The following RANBP2 variants were observed in gnomAD, a reference collection of about 807,000 sequenced individuals.
RANBP2 encodes RAN binding protein 2.
In RANBP2, 57 loss-of-function variants were observed where a neutral mutation model predicts 303.6. The observed-to-expected ratio is 0.19, with a 90% CI of 0.15 to 0.23. RANBP2 has a LOEUF of 0.23. RANBP2 is among the 10% of genes least tolerant of loss of function. The pLI, the probability that RANBP2 is intolerant of heterozygous loss-of-function variation, is 1.00. For missense variants in RANBP2, 3,138 were observed against 3,780.8 expected (o/e 0.83, Z 4.46); for synonymous variants, 1,167 against 1,301.5 (o/e 0.90, Z 2.23).
chr2:109,688,899 CCTTCCTTT>C, the RANBP2 span, among the ~76,000 whole-genome samples: 12 of 150,180 alleles, frequency 8.0e-5, no homozygotes, highest in Non-Finnish European at 1.2e-4. Context: ...TTCCTTCCTT[CCTTCCTTT>C]CTTCCTTCCT....
chr2:108,725,087 G>A (rs1488238307), intron 1 of RANBP2, among the ~76,000 whole-genome samples: 10 of 152,070 alleles, frequency 6.6e-5, no homozygotes, highest in Admixed American at 5.2e-4. Flanking sequence ...ATCTCTTAGG[G>A]TCTTACTGTT....
intron 1 of RANBP2, 123 bp from the exon 2 acceptor site, chr2:108,729,009 A>C: frequency 1.6e-6 from 2 of 1,228,070 alleles, no homozygotes; most frequent in Non-Finnish European, 2.2e-6. Context: ...CCTTTAAAAA[A>C]ACTTTTAAGT....
the RANBP2 span, among the ~76,000 whole-genome samples, chr2:109,226,767 A>G: frequency 1.3e-5 from 2 of 152,202 alleles, no homozygotes; most frequent in Admixed American, 6.5e-5. Flanking sequence ...AGATATAGAC[A>G]TGCTTTGTGC....
At chr2:109,047,500 C>G in the RANBP2 span, among the ~76,000 whole-genome samples, 32 of 151,540 alleles carry the variant, frequency 2.1e-4, no homozygotes. Flanking sequence ...CAAAGAAAAA[C>G]AAACAAACAA....
chr2:109,494,410 T>G, the RANBP2 span, among the ~76,000 whole-genome samples: 8 of 152,108 alleles, frequency 5.3e-5, no homozygotes, highest in Non-Finnish European at 8.8e-5. Context: ...CTCAACATGG[T>G]AGCCACAGGC....
the RANBP2 span, among the ~76,000 whole-genome samples, chr2:109,622,682 C>A: frequency 6.6e-6 from 1 of 152,212 alleles, no homozygotes; most frequent in Non-Finnish European, 1.5e-5. Flanking sequence ...TCCCCTTTCA[C>A]TTGTCTAAGC....
the RANBP2 span, among the ~76,000 whole-genome samples, chr2:109,628,294 A>T: frequency 6.6e-6 from 1 of 151,984 alleles, no homozygotes; most frequent in Non-Finnish European, 1.5e-5. Flanking sequence ...AGGAGTTCCA[A>T]ACCAGCCTGG....
At chr2:109,050,964 A>G in the RANBP2 span, among the ~76,000 whole-genome samples, 1 of 152,136 alleles carries the variant, frequency 6.6e-6, no homozygotes, top group African/African-American at 2.4e-5. Flanking sequence ...CTCACTAAAC[A>G]TCTGATGATT....
chr2:109,359,372 T>C, the RANBP2 span, among the ~76,000 whole-genome samples: 23 of 152,352 alleles, frequency 1.5e-4, no homozygotes, highest in South Asian at 1.4e-3. Context: ...AGAACTGACA[T>C]CTTGACAATA....
At chr2:109,347,739 C>A in the RANBP2 span, 1 of 1,613,930 alleles carries the variant, frequency 6.2e-7, no homozygotes, top group East Asian at 2.2e-5. Context: ...CTGGTGACCT[C>A]AAGTTCAACA....
chr2:109,114,468 C>T, the RANBP2 span, among the ~76,000 whole-genome samples: 2,324 of 152,006 alleles, frequency 0.015, 58 homozygotes, highest in African/African-American at 0.052. Flanking sequence ...TCTGTGGGAT[C>T]GGTGGTGATA....
At chr2:109,474,211 G>T in the RANBP2 span, among the ~76,000 whole-genome samples, 1 of 152,176 alleles carries the variant, frequency 6.6e-6, no homozygotes, top group Non-Finnish European at 1.5e-5. Flanking sequence ...GCCATGCAGT[G>T]GCTCTCTAGG....
At chr2:108,866,288 A>AGTG in the RANBP2 span, among the ~76,000 whole-genome samples, 3 of 152,182 alleles carry the variant, frequency 2.0e-5, no homozygotes, top group African/African-American at 7.2e-5. Flanking sequence ...GACCCTGTGA[A>AGTG]GTGATCCAGG....
chr2:109,688,986 A>C, the RANBP2 span, among the ~76,000 whole-genome samples: 6 of 150,390 alleles, frequency 4.0e-5, no homozygotes, highest in African/African-American at 1.5e-4. Context: ...GGCTCACTGC[A>C]ACCTCTGCCT....
At chr2:109,033,230 G>A in the RANBP2 span, among the ~76,000 whole-genome samples, 3 of 152,134 alleles carry the variant, frequency 2.0e-5, no homozygotes, top group African/African-American at 7.2e-5. Flanking sequence ...ATTCAGCCTC[G>A]CTCATTTCTG....
the RANBP2 span, among the ~76,000 whole-genome samples, chr2:109,136,155 G>C: frequency 1.3e-5 from 2 of 152,068 alleles, no homozygotes; most frequent in Non-Finnish European, 2.9e-5. Flanking sequence ...ATTGTTTCTA[G>C]TGTGCATTTC....
chr2:109,003,956 C>T, the RANBP2 span, among the ~76,000 whole-genome samples: 2 of 152,118 alleles, frequency 1.3e-5, no homozygotes, highest in African/African-American at 2.4e-5. Context: ...CCAGGTTCCC[C>T]GAGGTGCAGA....
At chr2:109,296,640 C>G in the RANBP2 span, among the ~76,000 whole-genome samples, 4 of 152,310 alleles carry the variant, frequency 2.6e-5, no homozygotes, top group South Asian at 8.3e-4. Context: ...GAGCTGGGCC[C>G]TGCACCATCT....
chr2:108,927,385 A>G, the RANBP2 span, among the ~76,000 whole-genome samples: 1 of 152,322 alleles, frequency 6.6e-6, no homozygotes, highest in Non-Finnish European at 1.5e-5. Flanking sequence ...GGCTGTCCAC[A>G]TTCGCCTGAA....
Sources: allele counts gnomAD v4.1 joint callset (sites outside exome capture counted in the v4.1 genomes callset), GRCh38; gene constraint gnomAD v4.1.1; transcripts MANE v1.5; gene names NCBI Gene and HGNC (gene_info 2026-07-23, HGNC 2026-07-21).